SERTAD4: variants seen among roughly 807,000 people sequenced by gnomAD.
SERTAD4 encodes the protein SERTA domain-containing protein 4.
In SERTAD4, 18 loss-of-function variants were observed where a neutral mutation model predicts 32.9. The ratio of observed to expected loss-of-function variants is 0.55; its 90% CI spans 0.38 to 0.81. The LOEUF (loss-of-function observed/expected upper bound fraction) is 0.81, where lower values mean the gene tolerates loss of function less well. Among genes scored for constraint, SERTAD4 ranks in the 30% least tolerant of loss-of-function variants. The pLI is 0.00. For missense variants in SERTAD4, 383 were observed against 426.0 expected (o/e 0.90, Z 0.89); for synonymous variants, 150 against 156.4 (o/e 0.96, Z 0.30).
At position 210,245,829 on chromosome 1, in the gene SERTAD4, CAT is replaced by C. The variant is rs2084043739; in HGVS notation, c.*3493_*3494del. ...AGAGCAGAGGACAACTTGTAGAAGACATGACCATTAAGAGACATCAACTTCGC... is the reference window on the plus strand; with the variant it reads ...AGAGCAGAGGACAACTTGTAGAAGACGACCATTAAGAGACATCAACTTCGC... On this transcript the variant is annotated 3_prime_UTR_variant, in exon 4 of 4. Transcript: ENST00000367012. 1.0e-6 allele frequency: 1 copy of C among 985,192 alleles called. No homozygotes were observed. Among genetic ancestry groups the C allele is most frequent in the African/African-American group, 1.7e-5 (1 of 57,228 alleles). 61.0% of individuals were successfully genotyped at this position (985,192 alleles called of 1,614,324 possible). A position where few individuals can be genotyped will look rare whatever the true frequency, so the allele number is the denominator to read the frequency against.
At chr1:210,238,159 TCC>T in intron 2 of SERTAD4, 24 bp downstream of exon 2, 1 of 1,291,906 alleles carries the variant, frequency 7.7e-7, no homozygotes, top group Non-Finnish European at 1.1e-6. Flanking sequence ...CCTGCGCCCA[TCC>T]CCCCCACCCC....
Position 210,242,101 on chromosome 1 carries a change from G to C in SERTAD4, c.835G>C (p.Ala279Pro), listed in dbSNP as rs993750413. The change falls in exon 4 of 4, where the codon GCC (alanine) becomes CCC (proline). Residue 279 changes from alanine to proline, a missense_variant. Around this residue, in one of 3 missense-constraint regions of SERTAD4, gnomAD observed 180 missense variants for 190.6 expected, o/e 0.94. Coordinates refer to ENST00000367012, the MANE Select transcript of SERTAD4 (RefSeq NM_019605.5). The surrounding 1 kb of genome is among the most constrained non-coding windows in gnomAD (Gnocchi z 4.0). ...CAGATCACTTGGTGTTCAGGAAAAG[G>C]CCAAATTAAATGATGAGAAAGCAAA... ...NVRSLGVQEK[A>P]KLNDEKANDD... The C allele has an allele frequency of 1.9e-6, 3 of 1,614,166 alleles. No homozygotes were observed. The highest frequency in any genetic ancestry group is 2.5e-6 in the Non-Finnish European group (3 of 1,180,032).
chr1:210,238,637 C>T (rs765721416), intron 2 of SERTAD4, among the ~76,000 whole-genome samples: 4 of 152,184 alleles, frequency 2.6e-5, no homozygotes, highest in Non-Finnish European at 4.4e-5. Flanking sequence ...TTATATCCTA[C>T]TGCTCAAGGT....
At chr1:210,235,965 T>A (rs1423029301) in intron 1 of SERTAD4, among the ~76,000 whole-genome samples, 1 of 152,258 alleles carries the variant, frequency 6.6e-6, no homozygotes, top group Non-Finnish European at 1.5e-5. Context: ...GGCTGCTGAC[T>A]GTTGAAAAGC....
rs2084045228 is a variant in SERTAD4, at chr1:210,245,957, A to C, written c.*3620A>C. On this transcript the variant is annotated 3_prime_UTR_variant, in exon 4 of 4. Coordinates refer to ENST00000367012, the MANE Select transcript of SERTAD4 (RefSeq NM_019605.5). ...GCAGGAGACTTTTTTGGAAATAATT[A>C]GTTGTGAAATTCCATTTTTCTGACA... 3.1e-6 allele frequency: 3 copies of C among 983,508 alleles called. No homozygotes were observed. Among genetic ancestry groups the C allele is most frequent in the South Asian group, 9.4e-5 (2 of 21,246 alleles). 60.9% of individuals were successfully genotyped at this position (983,508 alleles called of 1,614,324 possible). A position where few individuals can be genotyped will look rare whatever the true frequency, so the allele number is the denominator to read the frequency against.
At chr1:210,235,236 T>G (rs2083929577) in intron 1 of SERTAD4, among the ~76,000 whole-genome samples, 1 of 152,250 alleles carries the variant, frequency 6.6e-6, no homozygotes, top group Non-Finnish European at 1.5e-5. Flanking sequence ...TTATAAATCT[T>G]ATCAGACAGA....
chr1:210,242,657 G>A lies in SERTAD4; in HGVS notation c.*320G>A. On this transcript the variant is annotated 3_prime_UTR_variant, in exon 4 of 4. Transcript: ENST00000367012. The surrounding 1 kb of genome is among the most constrained non-coding windows in gnomAD (Gnocchi z 4.0). ...TTGCAATATTTCCATTGCCCCCCAA[G>A]GAGCCTGTCACTAGCTAAGAAATTT... 9.3e-7 allele frequency: 1 copy of A among 1,073,336 alleles called. No homozygotes were observed. 66.5% of individuals were successfully genotyped at this position (1,073,336 alleles called of 1,614,324 possible).
At position 210,242,876 on chromosome 1, in the gene SERTAD4, T is replaced by C. The variant is rs1242770513; in HGVS notation, c.*539T>C. On this transcript the variant is annotated 3_prime_UTR_variant, in exon 4 of 4. Coordinates refer to ENST00000367012, the MANE Select transcript of SERTAD4 (RefSeq NM_019605.5). This position sits in a 1 kb window ranked among gnomAD's most constrained non-coding sequence, Gnocchi z 4.0. Reference sequence around the variant, plus strand: ...TCTTGTGTGACAGATGAAAATAGGATGTAACATAATGAAACACACCTGTCT... The same window carrying C: ...TCTTGTGTGACAGATGAAAATAGGACGTAACATAATGAAACACACCTGTCT... The C allele has an allele frequency of 1.0e-6, 1 of 985,928 alleles. No homozygotes were observed. The highest frequency in any genetic ancestry group is 1.7e-5 in the African/African-American group (1 of 57,170). The allele number at this position is 985,928 out of a possible 1,614,324, so 61.1% of individuals were successfully genotyped here.
Position 210,242,389 on chromosome 1 carries a change from C to A in SERTAD4, c.*52C>A. On this transcript the variant is annotated 3_prime_UTR_variant, in exon 4 of 4. Transcript: ENST00000367012. This position sits in a 1 kb window ranked among gnomAD's most constrained non-coding sequence, Gnocchi z 4.0. Reference sequence around the variant, plus strand: ...ATGCACAGCATGATCAGTTAGCTCTCGTAAATTTTATTTTGAATGGATTTT... The same window carrying A: ...ATGCACAGCATGATCAGTTAGCTCTAGTAAATTTTATTTTGAATGGATTTT... 6.6e-7 allele frequency: 1 copy of A among 1,515,560 alleles called. No homozygotes were observed. The highest frequency in any genetic ancestry group is 1.4e-5 in the South Asian group (1 of 72,772). 93.9% of individuals were successfully genotyped at this position (1,515,560 alleles called of 1,614,324 possible).
rs931798000 is a variant in SERTAD4 at position 210,244,359 on chromosome 1, G to A, written c.*2022G>A. The A allele has an allele frequency of 4.6e-5, 7 of 152,280 alleles. No homozygotes were observed. The highest frequency in any genetic ancestry group is 1.7e-4 in the African/African-American group (7 of 41,570). The allele number at this position is 152,280 out of a possible 1,614,324, so 9.4% of individuals were successfully genotyped here. A position where few individuals can be genotyped will look rare whatever the true frequency, so the allele number is the denominator to read the frequency against. ...TCAATAAGGTTATGTCTGAAAGAAT[G>A]TAAAGATTTTCCTTTCTGGAGTGTC... On this transcript the variant is annotated 3_prime_UTR_variant, in exon 4 of 4. Transcript: ENST00000367012.
At chr1:210,234,286 G>T (rs1485348384) in intron 1 of SERTAD4, among the ~76,000 whole-genome samples, 1 of 151,882 alleles carries the variant, frequency 6.6e-6, no homozygotes, top group East Asian at 1.9e-4. Flanking sequence ...CCCCACCCCC[G>T]CAACCGCCAC....
rs146773666 is a variant in SERTAD4, at chr1:210,237,994, G to A, written c.34G>A (p.Glu12Lys). ...TLVLSMNRFC[E>K]PIVSEGAAEI... The stretch of plus-strand genomic sequence containing the variant: ...GGTTCTGTCCATGAATAGATTCTGC[G>A]AGCCCATTGTCTCGGAAGGAGCTGC... The change falls in exon 2 of 4, where the codon GAG (glutamate) becomes AAG (lysine). Residue 12 changes from glutamate (E) to lysine (K), a missense_variant. Physicochemically the swap from Glu to Lys is moderately conservative, Grantham distance 56. Transcript: ENST00000367012. 217 of 1,613,144 alleles carry A rather than the reference G, an allele frequency of 1.3e-4. No individual in the cohort carries two copies. The highest frequency in any genetic ancestry group is 7.8e-4 in the East Asian group (35 of 44,852).
In SERTAD4 at chr1:210,243,708, C is replaced by T. The variant is rs960766894; in HGVS notation, c.*1371C>T. On this transcript the variant is annotated 3_prime_UTR_variant, in exon 4 of 4. Coordinates refer to ENST00000367012, the MANE Select transcript of SERTAD4 (RefSeq NM_019605.5). Reference sequence around the variant, plus strand: ...CTTCCTTCCACTCCAGCCAACTCTTCCTGCTAAACTGTATTCCAGTTTCCA... The same window carrying T: ...CTTCCTTCCACTCCAGCCAACTCTTTCTGCTAAACTGTATTCCAGTTTCCA... 6.6e-6 allele frequency: 1 copy of T among 152,178 alleles called. No individual in the cohort carries two copies. The highest frequency in any genetic ancestry group is 1.5e-5 in the Non-Finnish European group (1 of 68,046). 9.4% of individuals were successfully genotyped at this position (152,178 alleles called of 1,614,324 possible).
chr1:210,242,284 G>A lies in SERTAD4; in HGVS notation c.1018G>A (p.Glu340Lys), dbSNP rs746762496. 5.0e-6 allele frequency: 8 copies of A among 1,608,194 alleles called. No homozygotes were observed. The South Asian group carries it at 5.6e-5, about 11-fold the overall frequency. ...TTGGAAAAAGTCCTTACGGAAAAAG[G>A]AGGCTTCACCACCAAGTAACAAACT... Reference protein sequence around the residue: ...ESWKKSLRKKEASPPSNKLCC... With the variant: ...ESWKKSLRKKKASPPSNKLCC... Residue 340 changes from glutamate to lysine, a missense_variant, in exon 4 of 4, where the codon GAG (glutamate) becomes AAG (lysine). Transcript: ENST00000367012. The surrounding 1 kb of genome is among the most constrained non-coding windows in gnomAD (Gnocchi z 4.0).
intron 1 of SERTAD4, chr1:210,233,994 T>TTA (rs1491322844): frequency 9.6e-5 from 32 of 334,968 alleles, no homozygotes; most frequent in African/African-American, 2.9e-4. Context: ...GTTTTTTTTT[T>TTA]AAAAAAAAAA....
rs187791917 is a variant in SERTAD4 at position 210,235,402 on chromosome 1, T to A, written c.-18+2391T>A. On this transcript the variant is annotated intron_variant, in intron 1 of 3. Transcript: ENST00000367012. ...TAAGTTTTAAATAGACTAGGAAGAC[T>A]CAATTGCAAAATCTCCTCCCCGCTC... Among the ~76,000 whole-genome samples, 8 of 152,338 alleles carry A rather than the reference T, an allele frequency of 5.3e-5. No individual in the cohort carries two copies. In the East Asian group the frequency reaches 9.6e-4, roughly 18 times the overall value.
In SERTAD4 at chr1:210,238,011, A is replaced by G. The variant is rs750794969; in HGVS notation, c.51A>G (p.Glu17=). 4 of 1,613,856 alleles carry G rather than the reference A, an allele frequency of 2.5e-6. No individual in the cohort carries two copies. In the African/African-American group the frequency reaches 5.3e-5, roughly 22 times the overall value. Reference sequence around the variant, plus strand: ...GATTCTGCGAGCCCATTGTCTCGGAAGGAGCTGCTGAAATTGCTGGGTACC... The same window carrying G: ...GATTCTGCGAGCCCATTGTCTCGGAGGGAGCTGCTGAAATTGCTGGGTACC... The part of the protein sequence containing the change: ...MNRFCEPIVS[E]GAAEIAGYQT... The change falls in exon 2 of 4, where the codon GAA becomes GAG. Residue 17 remains glutamate (E), a synonymous_variant. Transcript: ENST00000367012.
chr1:210,245,538 A>G lies in SERTAD4; in HGVS notation c.*3201A>G, dbSNP rs2147852570. 1 of 152,566 alleles carries G rather than the reference A, an allele frequency of 6.6e-6. No individual in the cohort carries two copies. Among genetic ancestry groups the G allele is most frequent in the African/African-American group, 2.4e-5 (1 of 41,574 alleles). The allele number at this position is 152,566 out of a possible 1,614,324, so 9.5% of individuals were successfully genotyped here. The stretch of plus-strand genomic sequence containing the variant: ...TGCAGGGACAGGGGACATGGGAGGA[A>G]GACAGAAAAATTCAAAACCAGCAGA... On this transcript the variant is annotated 3_prime_UTR_variant, in exon 4 of 4. Transcript: ENST00000367012.
chr1:210,244,160 C>T lies in SERTAD4; in HGVS notation c.*1823C>T, dbSNP rs184719643. 3 of 152,264 alleles carry T rather than the reference C, an allele frequency of 2.0e-5. No homozygotes were observed. The highest frequency in any genetic ancestry group is 2.0e-4 in the Admixed American group (3 of 15,294). 9.4% of individuals were successfully genotyped at this position (152,264 alleles called of 1,614,324 possible). On this transcript the variant is annotated 3_prime_UTR_variant, in exon 4 of 4. Coordinates refer to ENST00000367012, the MANE Select transcript of SERTAD4 (RefSeq NM_019605.5). ...GTTTCTCTTTTCCATTATTCTCTCTCCTTTAAAAAACTCAAAACATCTAGA... is the reference window on the plus strand; with the variant it reads ...GTTTCTCTTTTCCATTATTCTCTCTTCTTTAAAAAACTCAAAACATCTAGA...
Sources: gnomAD v4.1 joint callset for allele counts (sites outside exome capture counted in the v4.1 genomes callset) on GRCh38, gnomAD v4.1.1 for gene constraint, gnomAD v4.1.1 regional missense constraint, Gnocchi (gnomAD v3.1) non-coding constraint, MANE v1.5 for transcripts, NCBI Gene and HGNC (gene_info 2026-07-23, HGNC 2026-07-21) for gene names.